The following TRMT2B variants were observed in gnomAD, a reference collection of about 807,000 sequenced individuals.
TRMT2B encodes the protein tRNA (uracil-5-)-methyltransferase homolog B.
A neutral mutation model predicts 39.7 loss-of-function variants in TRMT2B; 34 were observed. The observed-to-expected ratio is 0.86, with a 90% CI of 0.65 to 1.14. The LOEUF (loss-of-function observed/expected upper bound fraction) is 1.14. TRMT2B is among the 50% of genes most tolerant of loss of function. TRMT2B has a pLI of 0.00. For synonymous variants in TRMT2B, 132 were observed against 137.3 expected (o/e 0.96, Z 0.27); for missense variants, 318 against 377.2 (o/e 0.84, Z 1.30).
chrX:101,008,176 T>C (rs2086134366), downstream of TRMT2B, among the ~76,000 whole-genome samples: 1 of 111,722 alleles, frequency 9.0e-6, no homozygotes, highest in Non-Finnish European at 1.9e-5. Flanking sequence ...ACCTTATAGG[T>C]AGTTGGATAC....
At chrX:100,987,704 G>A in the TRMT2B span, 22 of 589,190 alleles carry the variant, frequency 3.7e-5, no homozygotes, top group Non-Finnish European at 4.6e-5. Flanking sequence ...GGCTAGGGCA[G>A]TGCCCACCAA....
the TRMT2B span, chrX:100,987,500 G>A: frequency 8.3e-7 from 1 of 1,211,151 alleles, no homozygotes; most frequent in South Asian, 1.8e-5. Context: ...CACCTACCTC[G>A]AGCATCTCAA....
At chrX:101,043,275 A>T (rs142803231) in intron 2 of TRMT2B, among the ~76,000 whole-genome samples, 9,376 of 110,021 alleles carry the variant, frequency 0.085, 379 homozygotes, top group Admixed American at 0.13. Context: ...CTCAAAAAAA[A>T]AAATAAATAA....
intron 2 of TRMT2B, among the ~76,000 whole-genome samples, chrX:101,046,098 A>G (rs2088646528): frequency 9.8e-6 from 1 of 101,755 alleles, no homozygotes; most frequent in Non-Finnish European, 2.0e-5. Flanking sequence ...ATGAGCTGAG[A>G]TCACACCACT....
the TRMT2B span, among the ~76,000 whole-genome samples, chrX:101,001,210 G>A: frequency 9.1e-6 from 1 of 110,450 alleles, no homozygotes; most frequent in Non-Finnish European, 1.9e-5. Flanking sequence ...CAATTAAATT[G>A]GAATGTCTGG....
chrX:101,032,447 C>T (rs1361615836), intron 7 of TRMT2B, among the ~76,000 whole-genome samples: 3 of 107,810 alleles, frequency 2.8e-5, no homozygotes, highest in African/African-American at 6.8e-5. Context: ...ATTAGCTAGG[C>T]GTGGTGGCAT....
the TRMT2B span, among the ~76,000 whole-genome samples, chrX:100,991,824 G>T: frequency 3.6e-5 from 4 of 111,445 alleles, no homozygotes; most frequent in Non-Finnish European, 7.5e-5. Context: ...AGCAGAGCAG[G>T]ATGTTCTCAC....
At chrX:100,981,808 C>CA in the TRMT2B span, among the ~76,000 whole-genome samples, 10 of 104,980 alleles carry the variant, frequency 9.5e-5, no homozygotes, top group East Asian at 2.7e-3. Flanking sequence ...GACCCTGTCT[C>CA]AAAAAAAGAA....
At chrX:100,992,535 T>A in the TRMT2B span, among the ~76,000 whole-genome samples, 1 of 111,047 alleles carries the variant, frequency 9.0e-6, no homozygotes, top group Non-Finnish European at 1.9e-5. Context: ...GAGCCGAGAT[T>A]GCACCACTGC....
chrX:101,023,328 C>T, intron 8 of TRMT2B, 142 bp downstream of exon 8: 1 of 600,334 alleles, frequency 1.7e-6, no homozygotes. Flanking sequence ...TTCTCCTCAT[C>T]CCTAACCCCT....
chrX:101,007,778 G>T (rs913912004), downstream of TRMT2B, among the ~76,000 whole-genome samples: 37 of 111,314 alleles, frequency 3.3e-4, no homozygotes, highest in African/African-American at 1.2e-3. Flanking sequence ...GTCCAGGCTG[G>T]TCTTGAACTC....
chrX:100,993,317 A>G, the TRMT2B span, among the ~76,000 whole-genome samples: 1 of 112,070 alleles, frequency 8.9e-6, no homozygotes, highest in Non-Finnish European at 1.9e-5. Flanking sequence ...TTGGCCTTTC[A>G]GCCCATCTAC....
At chrX:100,986,574 A>T in the TRMT2B span, among the ~76,000 whole-genome samples, 1 of 112,311 alleles carries the variant, frequency 8.9e-6, no homozygotes, top group Non-Finnish European at 1.9e-5. Flanking sequence ...TGGGGGGACT[A>T]TCTTGGATTC....
downstream of TRMT2B, among the ~76,000 whole-genome samples, chrX:101,007,739 A>AT (rs2086125343): frequency 9.0e-6 from 1 of 110,839 alleles, no homozygotes; most frequent in Admixed American, 9.7e-5. Flanking sequence ...TGAGATTTGC[A>AT]TTTTTTCTTA....
chrX:101,005,393 C>G (rs1448541243), downstream of TRMT2B, among the ~76,000 whole-genome samples: 2 of 109,350 alleles, frequency 1.8e-5, no homozygotes, highest in African/African-American at 6.7e-5. Flanking sequence ...AAGACCATCT[C>G]CCAAAAAAAA....
At chrX:100,985,596 C>T in the TRMT2B span, 1 of 1,133,256 alleles carries the variant, frequency 8.8e-7, no homozygotes, top group African/African-American at 1.8e-5. Flanking sequence ...TCGGAACCGA[C>T]TCTACTCCTG....
Position 101,010,626 on chromosome X carries a change from G to C in TRMT2B, c.1470C>G (p.Phe490Leu), listed in dbSNP as rs372846095. 3.5e-5 allele frequency: 42 copies of C among 1,209,180 alleles called. No homozygotes were observed. Among genetic ancestry groups the C allele is most frequent in the African/African-American group, 1.2e-4 (7 of 57,074 alleles). Residue 490 changes from phenylalanine to leucine, a missense_variant, in exon 14 of 14, where the codon TTC becomes TTG. Transcript: ENST00000372936. ...CCAGCTCACAATGTGGGGTGTGAGG[G>C]AACAAATCCACAGGTACAGCTTGCT... Reference protein sequence around the residue: ...VLQQAVPVDLFPHTPHCELVL... With the variant: ...VLQQAVPVDLLPHTPHCELVL...
intron 4 of TRMT2B, 134 bp from the exon 5 acceptor site, chrX:101,038,185 T>C (rs1020664947): frequency 6.0e-6 from 3 of 501,502 alleles, no homozygotes; most frequent in Admixed American, 3.4e-5. Context: ...CTGACCAACA[T>C]GAAGAAATCC....
At chrX:101,021,386 T>C in intron 9 of TRMT2B, 71 bp from the exon 10 acceptor site, 1 of 985,007 alleles carries the variant, frequency 1.0e-6, no homozygotes, top group Non-Finnish European at 1.4e-6. Context: ...CCCAGCACTT[T>C]GGGAGGCCGA....
Sources: gnomAD v4.1 joint callset for allele counts (sites outside exome capture counted in the v4.1 genomes callset) on GRCh38, gnomAD v4.1.1 for gene constraint, MANE v1.5 for transcripts, NCBI Gene and HGNC (gene_info 2026-07-23, HGNC 2026-07-21) for gene names.